The following GRID2 variants were observed in gnomAD, a reference collection of about 807,000 sequenced individuals.
The protein encoded by GRID2 is glutamate ionotropic receptor delta type subunit 2.
Under a neutral mutation model 114.8 loss-of-function variants are expected in GRID2, and 33 were observed. That is an observed-to-expected ratio of 0.29 (90% CI 0.22 to 0.38). The LOEUF (loss-of-function observed/expected upper bound fraction) is 0.38, where lower values mean the gene tolerates loss of function less well. Among genes scored for constraint, GRID2 ranks in the 10% least tolerant of loss-of-function variants. The pLI is 1.00. For synonymous variants in GRID2, 505 were observed against 449.9 expected (o/e 1.12, Z -1.55); for missense variants, 1,184 against 1,257.7 (o/e 0.94, Z 0.89).
chr4:92,687,405 T>C (rs1733962413), intron 2 of GRID2, among the ~76,000 whole-genome samples: 1 of 152,154 alleles, frequency 6.6e-6, no homozygotes, highest in Non-Finnish European at 1.5e-5. Context: ...AAAGTAACTA[T>C]TGCAATAAAG....
intron 8 of GRID2, among the ~76,000 whole-genome samples, chr4:93,386,356 A>G (rs1042179112): frequency 6.6e-6 from 1 of 152,128 alleles, no homozygotes; most frequent in African/African-American, 2.4e-5. Context: ...GGATTATAGC[A>G]AAAAAAGATT....
chr4:92,758,936 T>A (rs1737856659), intron 2 of GRID2, among the ~76,000 whole-genome samples: 1 of 152,170 alleles, frequency 6.6e-6, no homozygotes, highest in Admixed American at 6.5e-5. Flanking sequence ...TTTTGTAACT[T>A]CTTTCTGCAA....
intron 2 of GRID2, among the ~76,000 whole-genome samples, chr4:93,075,904 T>C (rs1187030890): frequency 3.8e-5 from 2 of 52,634 alleles, no homozygotes; most frequent in East Asian, 5.1e-4. Context: ...TTTTTTTTTT[T>C]TTTTTTTTTT....
intron 12 of GRID2, among the ~76,000 whole-genome samples, chr4:93,499,493 T>C (rs964537994): frequency 6.6e-6 from 1 of 151,942 alleles, no homozygotes; most frequent in Admixed American, 6.6e-5. Context: ...CACTTTTTCA[T>C]GCTACAGTCA....
At chr4:93,726,783 GT>G (rs1361415309) in intron 14 of GRID2, among the ~76,000 whole-genome samples, 1 of 152,066 alleles carries the variant, frequency 6.6e-6, no homozygotes, top group Non-Finnish European at 1.5e-5. Flanking sequence ...TTGGCTCTCT[GT>G]TTGTCTGTTA....
intron 2 of GRID2, among the ~76,000 whole-genome samples, chr4:92,912,689 T>C (rs966088021): frequency 6.6e-6 from 1 of 151,806 alleles, no homozygotes; most frequent in Non-Finnish European, 1.5e-5. Flanking sequence ...GTATTTAAAT[T>C]TTGTGATATT....
intron 1 of GRID2, among the ~76,000 whole-genome samples, chr4:92,573,513 C>T (rs1727730466): frequency 6.6e-6 from 1 of 152,098 alleles, no homozygotes; most frequent in Non-Finnish European, 1.5e-5. Context: ...TATGTTGTTT[C>T]TCTGTTGTCA....
rs1234388137 is a variant in GRID2, at chr4:93,332,267, CGT to C, written c.1246-63308_1246-63307del. Reference sequence around the variant, plus strand: ...CAGAAAAAGAGTGTGTGTGTGTGTGCGTGTGTGTGTGTGTGTGTGTGTGTGTG... The same window carrying C: ...CAGAAAAAGAGTGTGTGTGTGTGTGCGTGTGTGTGTGTGTGTGTGTGTGTG... On this transcript the variant is annotated intron_variant, in intron 8 of 15. Coordinates refer to ENST00000282020, the MANE Select transcript of GRID2 (RefSeq NM_001510.4). 9.9e-3 allele frequency among the ~76,000 whole-genome samples: 1,331 copies of C among 133,858 alleles called. 13 individuals carry two copies. Among genetic ancestry groups the C allele is most frequent in the Middle Eastern group, 0.042 (11 of 262 alleles). The allele number at this position is 133,858 out of a possible 152,430, so 87.8% of individuals were successfully genotyped here. A position where few individuals can be genotyped will look rare whatever the true frequency, so the allele number is the denominator to read the frequency against.
chr4:93,272,158 T>C (rs1045805334), intron 8 of GRID2, among the ~76,000 whole-genome samples: 1 of 152,186 alleles, frequency 6.6e-6, no homozygotes, highest in African/African-American at 2.4e-5. Context: ...TAAAAATTAT[T>C]GACCTTCTAC....
At chr4:92,353,131 T>C (rs1728152519) in intron 1 of GRID2, among the ~76,000 whole-genome samples, 1 of 151,912 alleles carries the variant, frequency 6.6e-6, no homozygotes, top group South Asian at 2.1e-4. Flanking sequence ...TACTCAATTC[T>C]GCTTTTGAAC....
intron 13 of GRID2, among the ~76,000 whole-genome samples, chr4:93,531,338 T>A (rs1455448538): frequency 6.6e-6 from 1 of 152,170 alleles, no homozygotes; most frequent in Non-Finnish European, 1.5e-5. Flanking sequence ...GCAAACCTAG[T>A]CTTTATTTGA....
chr4:93,473,397 T>C (rs1022387876), intron 11 of GRID2, among the ~76,000 whole-genome samples: 6 of 152,168 alleles, frequency 3.9e-5, no homozygotes, highest in African/African-American at 1.4e-4. Flanking sequence ...TAAGTTTTAA[T>C]AGACTTTAAA....
intron 14 of GRID2, among the ~76,000 whole-genome samples, chr4:93,738,871 C>T (rs920697141): frequency 1.3e-5 from 2 of 152,008 alleles, no homozygotes; most frequent in Non-Finnish European, 2.9e-5. Flanking sequence ...AAAGCCCCTG[C>T]TATCCAGGTC....
chr4:92,676,149 G>A lies in GRID2; in HGVS notation c.244+85863G>A, dbSNP rs191323748. On this transcript the variant is annotated intron_variant, in intron 2 of 15. Transcript: ENST00000282020. ...AGTTCATATGTTATGATGCATTGTC[G>A]TGTCAAGCCCCCCCCCCCCCCTTTT... Among the ~76,000 whole-genome samples the A allele has an allele frequency of 7.5e-3, 881 of 116,820 alleles. 19 individuals carry two copies. Among genetic ancestry groups the A allele is most frequent in the African/African-American group, 0.027 (832 of 30,762 alleles). The allele number at this position is 116,820 out of a possible 152,430, so 76.6% of individuals were successfully genotyped here.
At chr4:92,982,022 T>TAAAAAAAAAAAAAAA (rs1161216679) in intron 2 of GRID2, among the ~76,000 whole-genome samples, 2 of 80,186 alleles carry the variant, frequency 2.5e-5, no homozygotes, top group East Asian at 3.3e-4. Flanking sequence ...AAAGTACTGG[T>TAAAAAAAAAAAAAAA]AAAAAAAAAA....
At chr4:93,064,818 A>C (rs1303628295) in intron 2 of GRID2, among the ~76,000 whole-genome samples, 1 of 151,910 alleles carries the variant, frequency 6.6e-6, no homozygotes, top group Non-Finnish European at 1.5e-5. Context: ...ATGACATTTC[A>C]TGTTAATGCT....
At chr4:93,150,862 C>G (rs530220481) in intron 4 of GRID2, among the ~76,000 whole-genome samples, 28 of 152,082 alleles carry the variant, frequency 1.8e-4, no homozygotes, top group African/African-American at 6.7e-4. Flanking sequence ...CGCGGTGGCT[C>G]TCGCCTGTAA....
chr4:92,519,498 C>T (rs978331759), intron 1 of GRID2, among the ~76,000 whole-genome samples: 3 of 151,348 alleles, frequency 2.0e-5, no homozygotes, highest in Non-Finnish European at 4.4e-5. Context: ...ACATAAAGGC[C>T]ATAGTCCTAA....
chr4:92,663,921 A>C (rs1249241871), intron 2 of GRID2, among the ~76,000 whole-genome samples: 1 of 151,204 alleles, frequency 6.6e-6, no homozygotes, highest in African/African-American at 2.4e-5. Flanking sequence ...TGTGTATTTC[A>C]CTTCACTTAA....
Sources: allele counts gnomAD v4.1 joint callset (sites outside exome capture counted in the v4.1 genomes callset), GRCh38; gene constraint gnomAD v4.1.1; transcripts MANE v1.5; gene names NCBI Gene and HGNC (gene_info 2026-07-23, HGNC 2026-07-21).